Variants in TBC1D19 observed in about 807,000 individuals in gnomAD.
TBC1D19 encodes the protein TBC1 domain family, member 19.
A neutral mutation model predicts 89.0 loss-of-function variants in TBC1D19; 60 were observed. The ratio of observed to expected loss-of-function variants is 0.67; its 90% CI spans 0.55 to 0.84. TBC1D19 has a LOEUF of 0.84. TBC1D19 is among the 40% of genes least tolerant of loss of function. TBC1D19 has a pLI of 0.00. For missense variants in TBC1D19, 500 were observed against 610.8 expected, an observed-to-expected ratio of 0.82 and a Z score of 1.91; for synonymous variants, 189 against 199.7, an observed-to-expected ratio of 0.95 and a Z score of 0.45.
intron 13 of TBC1D19, among the ~76,000 whole-genome samples, chr4:26,710,413 T>C (rs976123192): frequency 1.3e-5 from 2 of 152,244 alleles, no homozygotes; most frequent in Non-Finnish European, 2.9e-5. Context: ...TGCCACATTT[T>C]CTTAATCCGG....
At chr4:26,691,427 C>T (rs1398250882) in intron 13 of TBC1D19, among the ~76,000 whole-genome samples, 2 of 152,152 alleles carry the variant, frequency 1.3e-5, no homozygotes, top group African/African-American at 4.8e-5. Flanking sequence ...AAGAGTCTAT[C>T]AATGCAGCAA....
At chr4:26,808,248 A>G in the TBC1D19 span, among the ~76,000 whole-genome samples, 22 of 152,302 alleles carry the variant, frequency 1.4e-4, no homozygotes, top group Admixed American at 6.5e-4. Context: ...GTCAGATGAT[A>G]CTATCCATCT....
chr4:26,681,337 A>G (rs6826388), intron 11 of TBC1D19, among the ~76,000 whole-genome samples: 284 of 151,990 alleles, frequency 1.9e-3, no homozygotes, highest in African/African-American at 6.7e-3. Context: ...CAGGAGATGG[A>G]GATCATCCTG....
At chr4:26,842,723 G>A in the TBC1D19 span, among the ~76,000 whole-genome samples, 1 of 148,048 alleles carries the variant, frequency 6.8e-6, no homozygotes, top group Non-Finnish European at 1.5e-5. Flanking sequence ...GGCTGGTCTT[G>A]AACTCCTGGG....
intron 13 of TBC1D19, among the ~76,000 whole-genome samples, chr4:26,710,022 A>G (rs1158078332): frequency 6.6e-6 from 1 of 151,510 alleles, no homozygotes; most frequent in Non-Finnish European, 1.5e-5. Flanking sequence ...GTATCAGGGC[A>G]GAGTGTTTTT....
At chr4:26,578,087 C>CCACGTG in intron 1 of TBC1D19, among the ~76,000 whole-genome samples, 2 of 152,282 alleles carry the variant, frequency 1.3e-5, no homozygotes, top group East Asian at 3.9e-4. Flanking sequence ...GGTCCATGGT[C>CCACGTG]TTGCTCTGTC....
At chr4:26,733,334 A>T (rs1717776557) in intron 15 of TBC1D19, among the ~76,000 whole-genome samples, 1 of 152,198 alleles carries the variant, frequency 6.6e-6, no homozygotes, top group Admixed American at 6.5e-5. Flanking sequence ...TATAGGCCCT[A>T]AGCTATTTAT....
the TBC1D19 span, among the ~76,000 whole-genome samples, chr4:26,800,146 T>C: frequency 6.6e-6 from 1 of 152,162 alleles, no homozygotes; most frequent in Admixed American, 6.6e-5. Context: ...CCTAATGCTA[T>C]CCCTCCCCGT....
chr4:26,842,598 TTC>T, the TBC1D19 span, among the ~76,000 whole-genome samples: 3 of 128,496 alleles, frequency 2.3e-5, no homozygotes, highest in Non-Finnish European at 3.2e-5. Flanking sequence ...CTTTCTTTCT[TTC>T]TTTCTTTCTT....
chr4:26,733,414 C>T (rs1028877957), intron 15 of TBC1D19, among the ~76,000 whole-genome samples: 2 of 151,992 alleles, frequency 1.3e-5, no homozygotes, highest in Non-Finnish European at 2.9e-5. Flanking sequence ...CTCTGATTTA[C>T]AGATGAGGAA....
At chr4:26,856,500 G>A in the TBC1D19 span, among the ~76,000 whole-genome samples, 1 of 152,098 alleles carries the variant, frequency 6.6e-6, no homozygotes, top group African/African-American at 2.4e-5. Flanking sequence ...CTCAGAAGTG[G>A]GATTGCTGGA....
chr4:26,773,730 C>A, the TBC1D19 span, among the ~76,000 whole-genome samples: 1 of 152,172 alleles, frequency 6.6e-6, no homozygotes, highest in Admixed American at 6.5e-5. Context: ...GAATCTTTTC[C>A]CCATTCCTCG....
At chr4:26,676,676 G>A (rs181341133) in intron 11 of TBC1D19, among the ~76,000 whole-genome samples, 7 of 148,608 alleles carry the variant, frequency 4.7e-5, no homozygotes, top group East Asian at 4.0e-4. Context: ...CAGAGATCGC[G>A]CCACTGCACT....
chr4:26,853,918 T>C, the TBC1D19 span, among the ~76,000 whole-genome samples: 2,916 of 152,322 alleles, frequency 0.019, 108 homozygotes, highest in African/African-American at 0.068. Context: ...AATTCAAACA[T>C]CCACATTTCC....
At chr4:26,649,329 T>A (rs2109037802) in intron 7 of TBC1D19, among the ~76,000 whole-genome samples, 1 of 152,290 alleles carries the variant, frequency 6.6e-6, no homozygotes, top group East Asian at 1.9e-4. Context: ...ATTCTTTTTT[T>A]TCCCAATACC....
At chr4:26,812,196 G>C in the TBC1D19 span, among the ~76,000 whole-genome samples, 5 of 152,066 alleles carry the variant, frequency 3.3e-5, no homozygotes, top group East Asian at 5.8e-4. This position sits in a 1 kb window ranked among gnomAD's most constrained non-coding sequence, Gnocchi z 4.2. Context: ...TGTGAATGGG[G>C]GTGCTTCCTC....
At chr4:26,640,103 A>C (rs1160077601) in intron 6 of TBC1D19, 38 bp from the exon 7 acceptor site, 6 of 1,375,776 alleles carry the variant, frequency 4.4e-6, no homozygotes, top group Non-Finnish European at 6.2e-6. Context: ...TTCATATATT[A>C]TTAGCTGAAA....
chr4:26,636,305 T>C (rs1743118010), intron 4 of TBC1D19, among the ~76,000 whole-genome samples: 1 of 151,978 alleles, frequency 6.6e-6, no homozygotes, highest in Admixed American at 6.6e-5. Context: ...AAGAATATTA[T>C]ATTAAAATAT....
the TBC1D19 span, among the ~76,000 whole-genome samples, chr4:26,820,488 C>G: frequency 6.6e-6 from 1 of 152,188 alleles, no homozygotes; most frequent in Non-Finnish European, 1.5e-5. Context: ...AGCATAACAT[C>G]CTCCAGTTCC....
Sources: allele counts gnomAD v4.1 joint callset (sites outside exome capture counted in the v4.1 genomes callset), GRCh38; gene constraint gnomAD v4.1.1; non-coding constraint Gnocchi (gnomAD v3.1); transcripts MANE v1.5; gene names NCBI Gene and HGNC (gene_info 2026-07-23, HGNC 2026-07-21).